The following AGFG1 variants were observed in gnomAD, a reference collection of about 807,000 sequenced individuals.
The protein encoded by AGFG1 is arf-GAP domain and FG repeat-containing protein 1.
A neutral mutation model predicts 60.6 loss-of-function variants in AGFG1; 10 were observed. The ratio of observed to expected loss-of-function variants is 0.16; its 90% confidence interval spans 0.10 to 0.28. AGFG1 has a LOEUF of 0.28. Ranked by LOEUF, AGFG1 falls within the 10% of genes least tolerant of loss-of-function variation. The probability of loss-of-function intolerance (pLI) is 1.00; values close to 1 mark genes in which losing one functional copy is unlikely to be tolerated. For synonymous variants in AGFG1, 247 were observed against 242.9 expected (o/e 1.02, Z -0.16); for missense variants, 537 against 676.5 (o/e 0.79, Z 2.29).
intron 1 of AGFG1, among the ~76,000 whole-genome samples, chr2:227,481,532 G>T (rs1215718735): frequency 6.6e-6 from 1 of 152,134 alleles, no homozygotes. Context: ...TCCCACCTTT[G>T]CAGAAGCTTC....
chr2:227,505,598 G>C (rs1429298054), intron 2 of AGFG1, among the ~76,000 whole-genome samples: 1 of 151,926 alleles, frequency 6.6e-6, no homozygotes, highest in African/African-American at 2.4e-5. Flanking sequence ...TTTAACTTTA[G>C]ATATTGTCTT....
intron 10 of AGFG1, among the ~76,000 whole-genome samples, chr2:227,549,242 A>C (rs758236273): frequency 6.6e-5 from 10 of 152,174 alleles, no homozygotes; most frequent in Non-Finnish European, 1.2e-4. Context: ...ACAGAACCAC[A>C]ACTCAGAACC....
At chr2:227,472,924 C>T (rs1294951397) in intron 1 of AGFG1, among the ~76,000 whole-genome samples, 3 of 151,290 alleles carry the variant, frequency 2.0e-5, no homozygotes. Context: ...CGGCCGCCGC[C>T]CTCGCTCTCC....
intron 2 of AGFG1, among the ~76,000 whole-genome samples, chr2:227,493,168 TGTG>T (rs1275991621): frequency 6.6e-6 from 1 of 152,082 alleles, no homozygotes; most frequent in African/African-American, 2.4e-5. Flanking sequence ...TTTTTTTAAT[TGTG>T]GTGGGAACAT....
Position 227,523,878 on chromosome 2 carries a change from G to A in AGFG1, c.493G>A (p.Gly165Arg). Residue 165 changes from glycine to arginine, a missense_variant, in exon 4 of 13, where the codon GGG (glycine) becomes AGG (arginine). By Grantham distance (125) the Gly-to-Arg change is moderately radical. This residue lies in a region of AGFG1 where 102 missense variants were observed against 82.9 expected (regional missense o/e 1.23). Transcript: ENST00000310078. The part of the protein sequence containing the change: ...PEVKPLKSLL[G>R]DSAPTLHLNK... ...GGTCAAACCACTGAAATCTCTTTTA[G>A]GGGATTCTGCACCAACACTGCACTT... 6.2e-7 allele frequency: 1 copy of A among 1,613,880 alleles called. No homozygotes were observed. Among genetic ancestry groups the A allele is most frequent in the Non-Finnish European group, 8.5e-7 (1 of 1,179,928 alleles).
intron 1 of AGFG1, among the ~76,000 whole-genome samples, chr2:227,476,906 T>C (rs1266091364): frequency 8.2e-5 from 12 of 146,916 alleles, no homozygotes; most frequent in East Asian, 7.8e-4. Flanking sequence ...TCTCTCTCTT[T>C]TTTTTTTTTT....
intron 1 of AGFG1, among the ~76,000 whole-genome samples, chr2:227,490,303 GC>G (rs1348420781): frequency 1.3e-5 from 2 of 152,124 alleles, no homozygotes; most frequent in Non-Finnish European, 2.9e-5. Context: ...AGTTGGCCGG[GC>G]GTGGTCGCTC....
At chr2:227,548,966 T>C (rs1487019390) in intron 10 of AGFG1, among the ~76,000 whole-genome samples, 5 of 150,262 alleles carry the variant, frequency 3.3e-5, no homozygotes, top group East Asian at 3.9e-4. Context: ...TAGATAAATA[T>C]AAGGGCCACA....
At chr2:227,524,723 C>T (rs1351975881) in intron 4 of AGFG1, 39 bp from the exon 5 acceptor site, 9 of 1,602,356 alleles carry the variant, frequency 5.6e-6, no homozygotes, top group Non-Finnish European at 7.7e-6. Flanking sequence ...TTTTGCAGAT[C>T]CGACTGGAAT....
intron 8 of AGFG1, 121 bp from the exon 9 acceptor site, chr2:227,536,504 C>T: frequency 2.3e-5 from 15 of 666,160 alleles, no homozygotes; most frequent in South Asian, 1.0e-4. Flanking sequence ...TCTTAATTTT[C>T]TTTGTGTTGA....
intron 5 of AGFG1, 55 bp downstream of exon 5, chr2:227,524,970 A>G: frequency 6.3e-7 from 1 of 1,585,658 alleles, no homozygotes; most frequent in East Asian, 2.2e-5. Flanking sequence ...ACACCAAGAA[A>G]CATCAATTCT....
At chr2:227,531,525 CT>C (rs34372948) in intron 6 of AGFG1, among the ~76,000 whole-genome samples, 58 of 130,184 alleles carry the variant, frequency 4.5e-4, no homozygotes, top group Middle Eastern at 4.4e-3. Flanking sequence ...CTCTCTGTCT[CT>C]TTTTTTTTTT....
chr2:227,548,565 A>G (rs904363404), intron 10 of AGFG1, among the ~76,000 whole-genome samples: 4 of 152,214 alleles, frequency 2.6e-5, no homozygotes, highest in Non-Finnish European at 5.9e-5. Context: ...CTAAATACAT[A>G]TGAGAAATGC....
At chr2:227,550,014 A>T (rs1692772814) in intron 10 of AGFG1, 1 of 438,142 alleles carries the variant, frequency 2.3e-6, no homozygotes, top group African/African-American at 2.1e-5. Flanking sequence ...AACAATAGTT[A>T]TCTATAAATT....
At chr2:227,552,189 G>T in intron 11 of AGFG1, 72 bp downstream of exon 11, 1 of 1,551,172 alleles carries the variant, frequency 6.4e-7, no homozygotes, top group Non-Finnish European at 8.8e-7. Flanking sequence ...TTGTGTGCTT[G>T]GGCAGGAAGA....
intron 2 of AGFG1, among the ~76,000 whole-genome samples, chr2:227,499,437 C>T (rs1051052229): frequency 3.3e-5 from 5 of 151,834 alleles, no homozygotes; most frequent in South Asian, 2.1e-4. Flanking sequence ...GCCAGGAGTT[C>T]GAGTCTAGCT....
At chr2:227,519,239 T>C (rs11691052) in intron 2 of AGFG1, among the ~76,000 whole-genome samples, 10,978 of 152,288 alleles carry the variant, frequency 0.072, 526 homozygotes, top group Admixed American at 0.11. Flanking sequence ...CTTTATATAT[T>C]CCAGTTTCAA....
chr2:227,523,378 C>A (rs1039226467), intron 3 of AGFG1, among the ~76,000 whole-genome samples: 1 of 152,050 alleles, frequency 6.6e-6, no homozygotes, highest in Non-Finnish European at 1.5e-5. Context: ...CCTCATCTTT[C>A]TTCAAATGTT....
At chr2:227,489,618 G>C (rs1049439422) in intron 1 of AGFG1, among the ~76,000 whole-genome samples, 1 of 152,058 alleles carries the variant, frequency 6.6e-6, no homozygotes, top group African/African-American at 2.4e-5. Context: ...GAAAAAATGA[G>C]TATAAAATTT....
Sources: gnomAD v4.1 joint callset for allele counts (sites outside exome capture counted in the v4.1 genomes callset) on GRCh38, gnomAD v4.1.1 for gene constraint, gnomAD v4.1.1 regional missense constraint, MANE v1.5 for transcripts, NCBI Gene and HGNC (gene_info 2026-07-23, HGNC 2026-07-21) for gene names.